Variants in TMPRSS9 observed in about 807,000 individuals in gnomAD.
TMPRSS9 encodes transmembrane serine protease 9, also known as transmembrane protease serine 9.
In TMPRSS9, 113 loss-of-function variants were observed where a neutral mutation model predicts 111.4. The observed-to-expected ratio is 1.01, with a 90% confidence interval of 0.87 to 1.19. The LOEUF (loss-of-function observed/expected upper bound fraction) is 1.19, where lower values mean the gene tolerates loss of function less well. Among genes scored for constraint, TMPRSS9 ranks in the 50% most tolerant of loss-of-function variants. The pLI is 0.00. For synonymous variants in TMPRSS9, 805 were observed against 659.1 expected, an observed-to-expected ratio of 1.22 and a Z score of -3.39; for missense variants, 1,803 against 1,513.1, an observed-to-expected ratio of 1.19 and a Z score of -3.18.
intron 15 of TMPRSS9, among the ~76,000 whole-genome samples, chr19:2,424,520 A>G (rs1599321380): frequency 7.0e-6 from 1 of 143,464 alleles, no homozygotes; most frequent in South Asian, 2.2e-4. Flanking sequence ...TCCCCACCTA[A>G]CCCGGAAGCT....
At chr19:2,399,241 G>C in intron 4 of TMPRSS9, 48 bp downstream of exon 5, 1 of 1,530,338 alleles carries the variant, frequency 6.5e-7, no homozygotes, top group Admixed American at 2.1e-5. Context: ...AGGCTGGAGT[G>C]GGGCAGGAGC....
rs547891518 is a variant in TMPRSS9 at position 2,417,925 on chromosome 19, G to A, written c.2018-77G>A. The A allele has an allele frequency of 3.9e-5, 61 of 1,573,376 alleles. No individual in the cohort carries two copies. In the African/African-American group the frequency reaches 6.7e-4, roughly 17 times the overall value. On this transcript the variant is annotated intron_variant, in intron 12 of 17. Coordinates refer to ENST00000648592, the Ensembl canonical transcript of TMPRSS9. ...TGTGGGGTGGGGATGCTGCATCTCG[G>A]GGCTGTTATCGGAGCGGAACTGGAG...
chr19:2,368,779 T>TTTTTTTTTTTTTTTTTG (rs1269336757), intron 1 of TMPRSS9, among the ~76,000 whole-genome samples: 3 of 102,614 alleles, frequency 2.9e-5, no homozygotes, highest in African/African-American at 1.6e-4. Context: ...ACCCAGTTTT[T>TTTTTTTTTTTTTTTTTG]TTTTTTTTTT....
chr19:2,380,820 G>C (rs4807247), intron 1 of TMPRSS9, among the ~76,000 whole-genome samples: 68,896 of 151,874 alleles, frequency 0.45, 16,436 homozygotes, highest in East Asian at 0.6. Context: ...GACTAATACA[G>C]TTTCTCTACA....
rs1568189237 is a variant in TMPRSS9 at position 2,418,303 on chromosome 19, C to CCTTTT, written c.2154+166_2154+167insTTTTC. The stretch of plus-strand genomic sequence containing the variant: ...TTTTCCTTTCCTCCTTTCCTTCCCT[C>CCTTTT]CCTTTCCCTCCCTCCCTCCCTCCCT... On this transcript the variant is annotated intron_variant, in intron 13 of 17. Coordinates refer to ENST00000648592, the Ensembl canonical transcript of TMPRSS9. Among the ~76,000 whole-genome samples the CCTTTT allele has an allele frequency of 3.3e-4, 19 of 57,318 alleles. 2 individuals carry two copies. The highest frequency in any genetic ancestry group is 9.1e-4 in the African/African-American group (6 of 6,572). 37.6% of individuals were successfully genotyped at this position (57,318 alleles called of 152,430 possible).
At chr19:2,370,586 C>T (rs1970280955) in intron 1 of TMPRSS9, among the ~76,000 whole-genome samples, 1 of 152,138 alleles carries the variant, frequency 6.6e-6, no homozygotes, top group Admixed American at 6.6e-5. Context: ...TCCTTGGCCT[C>T]CCAAGGTGCT....
rs543125937 is a variant in TMPRSS9, at chr19:2,383,080, G to A, written c.-25-6681G>A. Among the ~76,000 whole-genome samples the A allele has an allele frequency of 1.2e-4, 18 of 152,298 alleles. No individual in the cohort carries two copies. In the East Asian group the frequency reaches 1.7e-3, roughly 15 times the overall value. The stretch of plus-strand genomic sequence containing the variant: ...GATTTAAATGTTAATTGGGCTTGGC[G>A]CAGTGGCTCACGCCTGTAATCTCAG... On this transcript the variant is annotated intron_variant, in intron 1 of 17. Coordinates refer to the TMPRSS9 transcript ENST00000649857.
intron 9 of TMPRSS9, among the ~76,000 whole-genome samples, chr19:2,411,538 T>C (rs1044862761): frequency 8.0e-5 from 12 of 150,478 alleles, no homozygotes; most frequent in African/African-American, 2.9e-4. Flanking sequence ...GCTGTGATTA[T>C]AGGCATGCGC....
At chr19:2,425,876 G>C (rs927305019) in intron 17 of TMPRSS9, 51 bp from the exon 19 acceptor site, 1 of 1,534,340 alleles carries the variant, frequency 6.5e-7, no homozygotes, top group Non-Finnish European at 8.7e-7. Context: ...CCCAAGGGCT[G>C]CTGTAGGGGA....
At chr19:2,395,882 C>T (rs1169164842) in intron 1 of TMPRSS9, among the ~76,000 whole-genome samples, 2 of 152,000 alleles carry the variant, frequency 1.3e-5, no homozygotes, top group South Asian at 4.2e-4. Context: ...GTCGTGGGTG[C>T]CTGTAGTCCC....
At chr19:2,415,396 C>G (rs1971205825) in intron 10 of TMPRSS9, among the ~76,000 whole-genome samples, 1 of 152,114 alleles carries the variant, frequency 6.6e-6, no homozygotes, top group South Asian at 2.1e-4. Flanking sequence ...GGCTGCGGGT[C>G]TGTGGTGGGG....
At chr19:2,400,855 TC>T (rs1338867274) in intron 4 of TMPRSS9, among the ~76,000 whole-genome samples, 7 of 149,418 alleles carry the variant, frequency 4.7e-5, no homozygotes, top group Non-Finnish European at 8.9e-5. Context: ...GCGCCTATAA[TC>T]CCAGCTACTT....
At chr19:2,375,819 T>C (rs535832498) in intron 1 of TMPRSS9, among the ~76,000 whole-genome samples, 5 of 152,066 alleles carry the variant, frequency 3.3e-5, no homozygotes, top group African/African-American at 1.2e-4. Flanking sequence ...AAATTACAAC[T>C]GAAGGGACAA....
At chr19:2,363,412 A>G (rs2145235466) in intron 1 of TMPRSS9, among the ~76,000 whole-genome samples, 1 of 149,622 alleles carries the variant, frequency 6.7e-6, no homozygotes, top group African/African-American at 2.4e-5. Flanking sequence ...ACGTGGAGGC[A>G]TGGTAGATGG....
chr19:2,382,591 T>C (rs890629896), intron 1 of TMPRSS9, among the ~76,000 whole-genome samples: 3 of 115,710 alleles, frequency 2.6e-5, no homozygotes, highest in African/African-American at 4.6e-5. Flanking sequence ...CAGATGCACA[T>C]GCACACACAC....
At position 2,408,315 on chromosome 19, in the gene TMPRSS9, C is replaced by T. The variant is rs200905751; in HGVS notation, c.843-41C>T. ...GTCCCGTCTGCCTCCCCCGACGGCT[C>T]TGACCCTCGGTGGCTTCTGAGCTGG... On this transcript the variant is annotated intron_variant, in intron 7 of 17. Coordinates refer to ENST00000648592, the Ensembl canonical transcript of TMPRSS9. 1.1e-5 allele frequency: 17 copies of T among 1,597,240 alleles called. No homozygotes were observed. In the Admixed American group the frequency reaches 2.7e-4, roughly 25 times the overall value.
intron 12 of TMPRSS9, 97 bp from the exon 14 acceptor site, chr19:2,417,905 G>C: frequency 6.7e-7 from 1 of 1,491,558 alleles, no homozygotes; most frequent in Non-Finnish European, 9.2e-7. Flanking sequence ...TCGTCTGTGG[G>C]GTGGGGATGC....
chr19:2,415,913 C>T, intron 11 of TMPRSS9, 72 bp downstream of exon 12: 1 of 1,485,960 alleles, frequency 6.7e-7, no homozygotes, highest in Non-Finnish European at 9.0e-7. Flanking sequence ...CAGAAACCAT[C>T]CTGCTGGGGC....
At chr19:2,423,681 C>T (rs1173997003) in intron 14 of TMPRSS9, among the ~76,000 whole-genome samples, 5 of 152,078 alleles carry the variant, frequency 3.3e-5, no homozygotes, top group Admixed American at 3.3e-4. Context: ...TTGGCACCGT[C>T]TGGGGAGGGC....
Sources: allele counts gnomAD v4.1 joint callset (sites outside exome capture counted in the v4.1 genomes callset), GRCh38; gene constraint gnomAD v4.1.1; transcripts MANE v1.5; gene names NCBI Gene and HGNC (gene_info 2026-07-23, HGNC 2026-07-21).